Variants in TLN2 observed in about 807,000 individuals in gnomAD.
TLN2 encodes talin 2.
In TLN2, 118 loss-of-function variants were observed where a neutral mutation model predicts 294.7. That is an observed-to-expected ratio of 0.40 (90% CI 0.34 to 0.47). The LOEUF is 0.47. TLN2 is among the 20% of genes least tolerant of loss of function. The probability of loss-of-function intolerance (pLI) is 0.84; values close to 1 mark genes in which losing one functional copy is unlikely to be tolerated. For synonymous variants in TLN2, 1,431 were observed against 1,304.5 expected, an observed-to-expected ratio of 1.10 and a Z score of -2.09; for missense variants, 3,083 against 3,282.2, an observed-to-expected ratio of 0.94 and a Z score of 1.48.
At chr15:62,633,571 T>C (rs867456393) in intron 3 of TLN2, among the ~76,000 whole-genome samples, 44 of 152,320 alleles carry the variant, frequency 2.9e-4, no homozygotes, top group African/African-American at 9.6e-4. Flanking sequence ...TTTGAGTCAA[T>C]GGGATTTTAG....
In TLN2 at chr15:62,608,645, T is replaced by C. The variant is rs2047650748; in HGVS notation, c.-161-9706T>C. Reference sequence around the variant, plus strand: ...ATCAGCGACACAGGAGGGAAGCAGGTTGGGAAGACACGGGGACAAGGGAGA... The same window carrying C: ...ATCAGCGACACAGGAGGGAAGCAGGCTGGGAAGACACGGGGACAAGGGAGA... On this transcript the variant is annotated intron_variant, in intron 2 of 58. Coordinates refer to ENST00000636159, the MANE Select transcript of TLN2 (RefSeq NM_015059.3). 5.3e-5 allele frequency among the ~76,000 whole-genome samples: 8 copies of C among 152,110 alleles called. No individual in the cohort carries two copies. In the South Asian group the frequency reaches 1.7e-3, roughly 32 times the overall value.
In TLN2 at chr15:62,707,710, C is replaced by T. The variant is rs562174482; in HGVS notation, c.2172+457C>T. Among the ~76,000 whole-genome samples the T allele has an allele frequency of 2.0e-3, 310 of 152,254 alleles. 2 individuals are homozygous for T. The highest frequency in any genetic ancestry group is 0.016 in the South Asian group (75 of 4,806). On this transcript the variant is annotated intron_variant, in intron 20 of 58. Coordinates refer to ENST00000636159, the MANE Select transcript of TLN2 (RefSeq NM_015059.3). ...CATACATCACCTCATTACATCTCCC[C>T]GGTAATCCTGCAAATTAAGCACCAT...
At chr15:62,650,314 G>T (rs767897073) in intron 5 of TLN2, 133 bp downstream of exon 5, 56 of 823,564 alleles carry the variant, frequency 6.8e-5, no homozygotes, top group Non-Finnish European at 9.9e-5. Flanking sequence ...CTTTGTAAGG[G>T]CTGTTCAGGT....
In TLN2 at chr15:62,678,812, T is replaced by C. The variant is rs138172805; in HGVS notation, c.957+3491T>C. Reference sequence around the variant, plus strand: ...CACTACTGCACTCCCACCTGGGCGATAGAGCAAGACTCTGCCTCAAAATAA... The same window carrying C: ...CACTACTGCACTCCCACCTGGGCGACAGAGCAAGACTCTGCCTCAAAATAA... On this transcript the variant is annotated intron_variant, in intron 11 of 58. Transcript: ENST00000636159. Among the ~76,000 whole-genome samples, 866 of 152,250 alleles carry C rather than the reference T, an allele frequency of 5.7e-3. 3 individuals carry two copies. The highest frequency in any genetic ancestry group is 0.017 in the African/African-American group (716 of 41,538).
chr15:62,692,995 G>T, intron 13 of TLN2, 54 bp downstream of exon 13: 1 of 1,494,514 alleles, frequency 6.7e-7, no homozygotes, highest in Non-Finnish European at 9.2e-7. Context: ...TAAAAGGCTT[G>T]GTTTCGATGA....
At chr15:62,680,578 A>T (rs891955734) in intron 11 of TLN2, among the ~76,000 whole-genome samples, 1 of 151,760 alleles carries the variant, frequency 6.6e-6, no homozygotes, top group African/African-American at 2.4e-5. Flanking sequence ...TACCTAAGGG[A>T]TACTTTTTTT....
intron 51 of TLN2, among the ~76,000 whole-genome samples, chr15:62,807,431 CT>C (rs1268899355): frequency 1.3e-5 from 2 of 152,196 alleles, no homozygotes; most frequent in Non-Finnish European, 2.9e-5. Context: ...AGATCCAGAA[CT>C]GAAATTAGCT....
intron 1 of TLN2, among the ~76,000 whole-genome samples, chr15:62,471,053 CAA>C (rs1318853578): frequency 6.6e-6 from 1 of 152,156 alleles, no homozygotes; most frequent in African/African-American, 2.4e-5. Flanking sequence ...GGGGTAAAAA[CAA>C]ACACAAGGCT....
intron 24 of TLN2, among the ~76,000 whole-genome samples, chr15:62,718,112 C>A (rs984728919): frequency 6.6e-6 from 1 of 152,252 alleles, no homozygotes; most frequent in African/African-American, 2.4e-5. Context: ...TTCATCCCAT[C>A]TAGCCTCTGT....
rs746904073 is a variant in TLN2 at position 62,797,222 on chromosome 15, G to A, written c.6054G>A (p.Glu2018=). 3 of 1,614,106 alleles carry A rather than the reference G, an allele frequency of 1.9e-6. No homozygotes were observed. Among genetic ancestry groups the A allele is most frequent in the South Asian group, 1.1e-5 (1 of 91,058 alleles). Residue 2018 remains glutamate, a synonymous_variant, in exon 48 of 59, where the codon GAG becomes GAA. Coordinates refer to ENST00000636159, the MANE Select transcript of TLN2 (RefSeq NM_015059.3). ...ENSETFADHR[E]NILKTAKALV... is the part of the protein sequence containing the mutation. ...CCTGCCCTCCTGGCTCTCTCAGGGA[G>A]AACATTCTCAAGACGGCCAAGGCCT...
Position 62,437,752 on chromosome 15 carries a change from G to GTGT in TLN2, c.-238+47067_-238+47068insTGT, listed in dbSNP as rs1555407259. Among the ~76,000 whole-genome samples, 1,182 of 150,402 alleles carry GTGT rather than the reference G, an allele frequency of 7.9e-3. 16 individuals carry two copies. The highest frequency in any genetic ancestry group is 0.019 in the Admixed American group (288 of 15,116). On this transcript the variant is annotated intron_variant, in intron 1 of 58. Coordinates refer to ENST00000636159, the MANE Select transcript of TLN2 (RefSeq NM_015059.3). ...CGGTACTTTCAAAAAACACCATGGGGGTGTGTGTGTGTGTGTGTGTGTCTG... is the reference window on the plus strand; with the variant it reads ...CGGTACTTTCAAAAAACACCATGGGGTGTGTGTGTGTGTGTGTGTGTGTGTCTG...
chr15:62,533,120 G>T (rs774606084), intron 1 of TLN2, among the ~76,000 whole-genome samples: 2 of 151,822 alleles, frequency 1.3e-5, no homozygotes, highest in Non-Finnish European at 2.9e-5. Flanking sequence ...CAGGTGTGGT[G>T]GTGGGCACCT....
At chr15:62,438,572 T>C (rs1004411740) in intron 1 of TLN2, among the ~76,000 whole-genome samples, 1 of 152,150 alleles carries the variant, frequency 6.6e-6, no homozygotes, top group African/African-American at 2.4e-5. Flanking sequence ...AGTCAGCCCA[T>C]GTTGTTTACA....
At chr15:62,440,982 G>A (rs926264801) in intron 1 of TLN2, among the ~76,000 whole-genome samples, 2 of 152,154 alleles carry the variant, frequency 1.3e-5, no homozygotes, top group South Asian at 2.1e-4. Flanking sequence ...AGTCACATTG[G>A]TATATAATAC....
intron 2 of TLN2, among the ~76,000 whole-genome samples, chr15:62,617,939 AG>A (rs2048443527): frequency 6.6e-6 from 1 of 151,922 alleles, no homozygotes; most frequent in Admixed American, 6.6e-5. Flanking sequence ...GAGTTATCCA[AG>A]TGATTCATCA....
intron 42 of TLN2, 23 bp downstream of exon 42, chr15:62,771,157 C>A: frequency 6.3e-7 from 1 of 1,590,422 alleles, no homozygotes; most frequent in Non-Finnish European, 8.6e-7. Flanking sequence ...ATATCGGGGA[C>A]TCACTTAGGA....
chr15:62,417,116 C>G (rs1263017100), intron 1 of TLN2, among the ~76,000 whole-genome samples: 1 of 152,164 alleles, frequency 6.6e-6, no homozygotes, highest in Admixed American at 6.5e-5. Context: ...CACCCTTTGG[C>G]AAGGTCACCT....
At chr15:62,498,420 A>T (rs1656144) in intron 1 of TLN2, among the ~76,000 whole-genome samples, 44,624 of 151,888 alleles carry the variant, frequency 0.29, 7,586 homozygotes, top group African/African-American at 0.47. Context: ...TTTACTGGCT[A>T]CTTGGAATCT....
intron 3 of TLN2, among the ~76,000 whole-genome samples, chr15:62,634,893 C>T (rs766521748): frequency 6.6e-6 from 1 of 152,182 alleles, no homozygotes; most frequent in Non-Finnish European, 1.5e-5. Context: ...CGACTGTTTG[C>T]AATATATTTT....
Sources: gnomAD v4.1 joint callset for allele counts (sites outside exome capture counted in the v4.1 genomes callset) on GRCh38, gnomAD v4.1.1 for gene constraint, MANE v1.5 for transcripts, NCBI Gene and HGNC (gene_info 2026-07-23, HGNC 2026-07-21) for gene names.